ST7: variants seen among roughly 807,000 people sequenced by gnomAD.
ST7 encodes suppression of tumorigenicity 7.
ST7 carries 28 observed loss-of-function variants against 78.7 expected under a neutral mutation model. That is an observed-to-expected ratio of 0.36 (90% CI 0.26 to 0.49). ST7 has a LOEUF of 0.49. Among genes scored for constraint, ST7 ranks in the 20% least tolerant of loss-of-function variants. ST7 has a pLI of 0.99. For synonymous variants in ST7, 247 were observed against 249.6 expected (o/e 0.99, Z 0.10); for missense variants, 418 against 696.0 (o/e 0.60, Z 4.49).
intron 1 of ST7, among the ~76,000 whole-genome samples, chr7:117,046,704 T>A (rs1797510553): frequency 6.6e-6 from 1 of 152,138 alleles, no homozygotes; most frequent in Admixed American, 6.5e-5. Flanking sequence ...TGTGCAATAA[T>A]GGGTAATGGA....
At chr7:117,012,979 C>A (rs1795448005) in intron 1 of ST7, among the ~76,000 whole-genome samples, 4 of 152,052 alleles carry the variant, frequency 2.6e-5, no homozygotes, top group Admixed American at 2.6e-4. Context: ...TGTTTTCATT[C>A]CATTAATAAA....
At chr7:117,054,659 A>G (rs1441276720) in intron 1 of ST7, among the ~76,000 whole-genome samples, 1 of 152,192 alleles carries the variant, frequency 6.6e-6, no homozygotes, top group Non-Finnish European at 1.5e-5. Context: ...TTATTTGGTA[A>G]TATGACAAAT....
chr7:117,181,893 A>T (rs567037869), intron 10 of ST7, among the ~76,000 whole-genome samples: 1 of 152,358 alleles, frequency 6.6e-6, no homozygotes, highest in Non-Finnish European at 1.5e-5. Context: ...GGAGAATACC[A>T]TAAATGTGTT....
chr7:117,047,900 A>G (rs1486469101), intron 1 of ST7, among the ~76,000 whole-genome samples: 1 of 152,234 alleles, frequency 6.6e-6, no homozygotes, highest in Non-Finnish European at 1.5e-5. Flanking sequence ...TGCAGGGGTT[A>G]GGGATGCTAA....
At chr7:117,005,532 A>G (rs1795121356) in intron 1 of ST7, among the ~76,000 whole-genome samples, 1 of 152,202 alleles carries the variant, frequency 6.6e-6, no homozygotes, top group Admixed American at 6.5e-5. Context: ...GGTTTTAATG[A>G]AATGCTAAAG....
intron 10 of ST7, among the ~76,000 whole-genome samples, chr7:117,172,536 T>A (rs1038053698): frequency 7.9e-5 from 12 of 152,202 alleles, no homozygotes; most frequent in Non-Finnish European, 1.5e-4. Context: ...GTAAACAAAA[T>A]AAAGACTGTT....
intron 9 of ST7, among the ~76,000 whole-genome samples, chr7:117,161,591 C>CT (rs60505994): frequency 0.63 from 71,673 of 114,502 alleles, 22,670 homozygotes; most frequent in South Asian, 0.75. Context: ...TTCTTTCTTT[C>CT]TTTTTTTTTT....
At chr7:117,160,464 C>A (rs968132421) in intron 9 of ST7, among the ~76,000 whole-genome samples, 16 of 151,874 alleles carry the variant, frequency 1.1e-4, no homozygotes, top group Non-Finnish European at 1.9e-4. Flanking sequence ...TGGGTATCAA[C>A]CCAGATCTAT....
intron 1 of ST7, among the ~76,000 whole-genome samples, chr7:117,064,447 G>A (rs1257586903): frequency 1.3e-5 from 2 of 152,232 alleles, no homozygotes; most frequent in African/African-American, 2.4e-5. Context: ...AGTCCCAAGT[G>A]TACCCTTATT....
chr7:117,131,503 C>T (rs1034030241), intron 5 of ST7, among the ~76,000 whole-genome samples: 17 of 151,748 alleles, frequency 1.1e-4, no homozygotes, highest in East Asian at 5.8e-4. Context: ...TTAAGTGCTT[C>T]GGAAAATGAC....
intron 15 of ST7, among the ~76,000 whole-genome samples, chr7:117,229,535 G>T (rs1007230143): frequency 6.6e-6 from 1 of 152,192 alleles, no homozygotes; most frequent in East Asian, 1.9e-4. Flanking sequence ...GGAGTGAGGG[G>T]GCTGTCAGCT....
chr7:117,152,941 C>G (rs1301322746), intron 9 of ST7, among the ~76,000 whole-genome samples: 2 of 152,156 alleles, frequency 1.3e-5, no homozygotes, highest in Non-Finnish European at 2.9e-5. Flanking sequence ...ACCTTGCCTT[C>G]TATTTTTCGG....
At chr7:117,207,300 C>T (rs529122848) in intron 12 of ST7, among the ~76,000 whole-genome samples, 4 of 152,190 alleles carry the variant, frequency 2.6e-5, no homozygotes, top group South Asian at 2.1e-4. Flanking sequence ...CCCACCACCA[C>T]GCCCAGCTAA....
At chr7:117,104,087 C>T (rs778841465) in intron 2 of ST7, among the ~76,000 whole-genome samples, 2 of 152,104 alleles carry the variant, frequency 1.3e-5, no homozygotes, top group Non-Finnish European at 2.9e-5. Flanking sequence ...TCTCCTGCCT[C>T]GGCCTCCTGA....
In ST7 at chr7:117,129,803, A is replaced by C. The variant is rs758451220; in HGVS notation, c.405A>C (p.Val135=). 6.2e-7 allele frequency: 1 copy of C among 1,610,236 alleles called. No homozygotes were observed. The highest frequency in any genetic ancestry group is 8.5e-7 in the Non-Finnish European group (1 of 1,177,900). The change falls in exon 4 of 16, where the codon GTA becomes GTC. Residue 135 remains valine, a synonymous_variant. Transcript: ENST00000323984. ...SNRQSVSECK[V]WRNPLNLFRG... ...TTCTCTTTGTTGCAGAATGCAAAGT[A>C]TGGCGAAATCCACTAAATTTATTTA...
chr7:116,997,059 G>A (rs958520080), intron 1 of ST7, among the ~76,000 whole-genome samples: 3 of 152,066 alleles, frequency 2.0e-5, no homozygotes, highest in East Asian at 1.9e-4. Flanking sequence ...CAAAGGTGGC[G>A]TGTCCAGAGT....
chr7:117,152,218 T>TAG lies in ST7; in HGVS notation c.963+13687_963+13688insGA, dbSNP rs1806347612. On this transcript the variant is annotated intron_variant, in intron 9 of 15. Transcript: ENST00000323984. ...ATATATATATATATATATATATATA[T>TAG]ATATACCATGAACAAATCTTTAGTT... 3.3e-5 allele frequency among the ~76,000 whole-genome samples: 4 copies of TAG among 122,818 alleles called. No homozygotes were observed. In the South Asian group the frequency reaches 1.0e-3, roughly 31 times the overall value. The allele number at this position is 122,818 out of a possible 152,430, so 80.6% of individuals were successfully genotyped here.
chr7:116,985,868 T>C (rs1794167224), intron 1 of ST7, among the ~76,000 whole-genome samples: 1 of 152,262 alleles, frequency 6.6e-6, no homozygotes, highest in African/African-American at 2.4e-5. Flanking sequence ...AGTCTCGCTC[T>C]GTTGCTGAGG....
At chr7:117,162,336 G>A (rs66535855) in intron 9 of ST7, among the ~76,000 whole-genome samples, 10,594 of 151,620 alleles carry the variant, frequency 0.07, 497 homozygotes, top group East Asian at 0.19. Flanking sequence ...TTAGATAGGG[G>A]GAAAAAATAA....
Sources: gnomAD v4.1 joint callset for allele counts (sites outside exome capture counted in the v4.1 genomes callset) on GRCh38, gnomAD v4.1.1 for gene constraint, MANE v1.5 for transcripts, NCBI Gene and HGNC (gene_info 2026-07-23, HGNC 2026-07-21) for gene names.